Variants in UBE2E2 observed in about 807,000 individuals in gnomAD.
UBE2E2 encodes the protein ubiquitin-conjugating enzyme E2 E2.
A neutral mutation model predicts 24.7 loss-of-function variants in UBE2E2; 6 were observed. The observed-to-expected ratio is 0.24, with a 90% CI of 0.13 to 0.48. UBE2E2 has a LOEUF of 0.48. Ranked by LOEUF, UBE2E2 falls within the 20% of genes least tolerant of loss-of-function variation. The pLI is 0.99. For synonymous variants in UBE2E2, 104 were observed against 83.6 expected (o/e 1.24, Z -1.33); for missense variants, 169 against 245.0 (o/e 0.69, Z 2.07).
intron 3 of UBE2E2, among the ~76,000 whole-genome samples, chr3:23,422,213 A>G (rs1697818647): frequency 6.6e-6 from 1 of 152,146 alleles, no homozygotes; most frequent in Non-Finnish European, 1.5e-5. Flanking sequence ...AAGAGAAACA[A>G]TTTTCTTAGG....
chr3:23,444,267 TTCCCCC>T (rs1045196490), intron 3 of UBE2E2, among the ~76,000 whole-genome samples: 5 of 152,152 alleles, frequency 3.3e-5, no homozygotes, highest in Non-Finnish European at 7.3e-5. Context: ...ATATTTCTTC[TTCCCCC>T]ATTGTGTAGC....
chr3:23,414,276 C>A (rs1697571418), intron 3 of UBE2E2, among the ~76,000 whole-genome samples: 1 of 152,186 alleles, frequency 6.6e-6, no homozygotes, highest in African/African-American at 2.4e-5. Flanking sequence ...TGGAGACATT[C>A]AATCTACCTT....
chr3:23,393,028 T>A (rs1696977385), intron 3 of UBE2E2, among the ~76,000 whole-genome samples: 1 of 152,054 alleles, frequency 6.6e-6, no homozygotes, highest in South Asian at 2.1e-4. Flanking sequence ...GGGAAGCCTG[T>A]GAAGGAAGAT....
intron 3 of UBE2E2, among the ~76,000 whole-genome samples, chr3:23,308,376 C>T (rs1041150247): frequency 6.6e-6 from 1 of 152,160 alleles, no homozygotes; most frequent in Admixed American, 6.5e-5. Flanking sequence ...ATATTACCAT[C>T]ATTATCCTTC....
In UBE2E2 at chr3:23,562,834, T is replaced by C. The variant is rs550962699; in HGVS notation, c.509-26900T>C. On this transcript the variant is annotated intron_variant, in intron 5 of 5. Transcript: ENST00000396703. ...TGTCCAGGAATTTATCCATTTCTTC[T>C]AGATTTTCTAGTTTATTTGCATAGA... Among the ~76,000 whole-genome samples the C allele has an allele frequency of 2.3e-3, 348 of 152,354 alleles. 2 individuals carry two copies. The highest frequency in any genetic ancestry group is 8.0e-3 in the African/African-American group (333 of 41,578).
chr3:23,458,391 C>CTCGTGGTGGTGGTGGTGGTGGTGG (rs1553613004), intron 3 of UBE2E2, among the ~76,000 whole-genome samples: 3 of 122,434 alleles, frequency 2.5e-5, no homozygotes, highest in African/African-American at 1.1e-4. Context: ...AGAGAGATCG[C>CTCGTGGTGGTGGTGGTGGTGGTGG]TGGTGGTGGT....
intron 4 of UBE2E2, among the ~76,000 whole-genome samples, chr3:23,505,055 A>G (rs1490346040): frequency 4.1e-5 from 6 of 147,542 alleles, no homozygotes; most frequent in Non-Finnish European, 8.9e-5. Context: ...ACAGGCACAC[A>G]CCACCACACC....
At chr3:23,499,213 T>C (rs1047821171) in intron 3 of UBE2E2, among the ~76,000 whole-genome samples, 3 of 152,206 alleles carry the variant, frequency 2.0e-5, no homozygotes, top group African/African-American at 7.2e-5. Flanking sequence ...TTGAACCTCC[T>C]TTGTGTTCTC....
At chr3:23,404,124 G>T (rs1697296814) in intron 3 of UBE2E2, among the ~76,000 whole-genome samples, 1 of 152,038 alleles carries the variant, frequency 6.6e-6, no homozygotes, top group Non-Finnish European at 1.5e-5. Context: ...TAAGAGAAGG[G>T]TTTTGGATTA....
intron 4 of UBE2E2, among the ~76,000 whole-genome samples, chr3:23,529,948 A>G (rs1280676643): frequency 1.3e-5 from 2 of 152,286 alleles, no homozygotes; most frequent in Admixed American, 1.3e-4. Context: ...CTCTTTTACA[A>G]CTGTTTTAGC....
At chr3:23,541,345 G>A (rs1695392968) in intron 5 of UBE2E2, among the ~76,000 whole-genome samples, 1 of 152,176 alleles carries the variant, frequency 6.6e-6, no homozygotes, top group Non-Finnish European at 1.5e-5. Context: ...AGAAAAGAAA[G>A]CGCTTCCAAA....
At chr3:23,334,732 A>T (rs1335883533) in intron 3 of UBE2E2, among the ~76,000 whole-genome samples, 2 of 152,190 alleles carry the variant, frequency 1.3e-5, no homozygotes. Context: ...TGCTAAGGTG[A>T]TGCTTTTCAT....
At chr3:23,460,105 G>A (rs536038747) in intron 3 of UBE2E2, among the ~76,000 whole-genome samples, 5 of 152,314 alleles carry the variant, frequency 3.3e-5, no homozygotes, top group Admixed American at 3.3e-4. Context: ...CACAGTAGAT[G>A]ACACTTTCAA....
chr3:23,560,038 A>T (rs115371397), intron 5 of UBE2E2, among the ~76,000 whole-genome samples: 178 of 152,162 alleles, frequency 1.2e-3, no homozygotes, highest in African/African-American at 3.6e-3. Flanking sequence ...GGCTAGAAAT[A>T]TCTTTCTTTT....
At chr3:23,410,689 C>T (rs1697477228) in intron 3 of UBE2E2, among the ~76,000 whole-genome samples, 1 of 152,110 alleles carries the variant, frequency 6.6e-6, no homozygotes. Flanking sequence ...AGTATGAATC[C>T]TGTCCAGTGT....
chr3:23,475,578 T>C (rs2125437819), intron 3 of UBE2E2, among the ~76,000 whole-genome samples: 1 of 152,142 alleles, frequency 6.6e-6, no homozygotes, highest in South Asian at 2.1e-4. Context: ...AAGGGTCATA[T>C]ATGCAAAGTG....
chr3:23,446,214 T>C (rs1432758671), intron 3 of UBE2E2, among the ~76,000 whole-genome samples: 3 of 152,118 alleles, frequency 2.0e-5, no homozygotes, highest in African/African-American at 7.2e-5. Flanking sequence ...TCAAAGAAGG[T>C]CCACCTTTTT....
chr3:23,316,495 T>TC (rs1289442787), intron 3 of UBE2E2, among the ~76,000 whole-genome samples: 1 of 151,290 alleles, frequency 6.6e-6, no homozygotes, highest in African/African-American at 2.4e-5. Flanking sequence ...CACTTGCAAT[T>TC]CCCCCCGTAG....
In UBE2E2 at chr3:23,591,257, A is replaced by T. The variant is rs1696756751; in HGVS notation, c.*1426A>T. The T allele has an allele frequency of 2.6e-5, 4 of 152,202 alleles. No homozygotes were observed. Among genetic ancestry groups the T allele is most frequent in the Admixed American group, 2.6e-4 (4 of 15,270 alleles). The allele number at this position is 152,202 out of a possible 1,614,324, so 9.4% of individuals were successfully genotyped here. On this transcript the variant is annotated 3_prime_UTR_variant, in exon 6 of 6. Transcript: ENST00000396703. Reference sequence around the variant, plus strand: ...GCACCATACAGTTACAGACCCTACCATACTCTTGGTCTCATTTAAGGAACC... The same window carrying T: ...GCACCATACAGTTACAGACCCTACCTTACTCTTGGTCTCATTTAAGGAACC...
Sources: allele counts gnomAD v4.1 joint callset (sites outside exome capture counted in the v4.1 genomes callset), GRCh38; gene constraint gnomAD v4.1.1; transcripts MANE v1.5; gene names NCBI Gene and HGNC (gene_info 2026-07-23, HGNC 2026-07-21).